Variants in ENO3 observed in about 807,000 individuals in gnomAD.
ENO3 encodes enolase 3.
In ENO3, 46 loss-of-function variants were observed where a neutral mutation model predicts 47.7. The observed-to-expected ratio is 0.96, with a 90% CI of 0.76 to 1.23. ENO3 has a LOEUF of 1.23. ENO3 is among the 50% of genes most tolerant of loss of function. The probability of loss-of-function intolerance (pLI) is 0.00; values close to 1 mark genes in which losing one functional copy is unlikely to be tolerated. For synonymous variants in ENO3, 223 were observed against 225.9 expected (o/e 0.99, Z 0.11); for missense variants, 575 against 566.2 (o/e 1.02, Z -0.16).
intron 6 of ENO3, 139 bp downstream of exon 6, chr17:4,953,984 G>C: frequency 7.6e-7 from 1 of 1,317,622 alleles, no homozygotes; most frequent in Non-Finnish European, 1.1e-6. Flanking sequence ...CTCTCCTGCT[G>C]TGGTCCCACC....
chr17:4,951,980 G>A, intron 2 of ENO3, 66 bp downstream of exon 2: 2 of 1,542,254 alleles, frequency 1.3e-6, no homozygotes, highest in Non-Finnish European at 1.8e-6. Context: ...TTGCCCCCCA[G>A]TTCTGTGCCA....
In ENO3 at chr17:4,955,527, C is replaced by T. The variant is rs748865733; in HGVS notation, c.788C>T (p.Ser263Leu). ...GGGAAGTACGATCTTGACTTCAAGTCGCCTGATGATCCCGCACGGCACATC... is the reference window on the plus strand; with the variant it reads ...GGGAAGTACGATCTTGACTTCAAGTTGCCTGATGATCCCGCACGGCACATC... ...RNGKYDLDFK[S>L]PDDPARHITG... is the part of the protein sequence containing the mutation. The change falls in exon 8 of 12, where the codon TCG becomes TTG. Residue 263 changes from serine to leucine, a missense_variant. Transcript: ENST00000519602. 6.8e-6 allele frequency: 11 copies of T among 1,614,088 alleles called. No individual in the cohort carries two copies. The highest frequency in any genetic ancestry group is 4.4e-5 in the South Asian group (4 of 91,088).
intron 2 of ENO3, among the ~76,000 whole-genome samples, chr17:4,952,547 TCTC>T (rs1971573508): frequency 6.6e-6 from 1 of 152,156 alleles, no homozygotes; most frequent in Non-Finnish European, 1.5e-5. Flanking sequence ...ATTGTCTCGA[TCTC>T]CTGATCTCGT....
chr17:4,954,973 G>C (rs1326324261), intron 6 of ENO3, 102 bp from the exon 7 acceptor site: 1 of 995,444 alleles, frequency 1.0e-6, no homozygotes, highest in Non-Finnish European at 1.5e-6. Flanking sequence ...CACTGAGCTA[G>C]TAAGTAGGGA....
In ENO3 at chr17:4,955,503, G is replaced by A; in HGVS notation, c.764G>A (p.Gly255Glu). 6.2e-7 allele frequency: 1 copy of A among 1,614,216 alleles called. No individual in the cohort carries two copies. Among genetic ancestry groups the A allele is most frequent in the Non-Finnish European group, 8.5e-7 (1 of 1,180,052 alleles). Reference sequence around the variant, plus strand: ...GCAGCATCTGAGTTCTATCGCAATGGGAAGTACGATCTTGACTTCAAGTCG... The same window carrying A: ...GCAGCATCTGAGTTCTATCGCAATGAGAAGTACGATCTTGACTTCAAGTCG... Reference protein sequence around the residue: ...DVAASEFYRNGKYDLDFKSPD... With the variant: ...DVAASEFYRNEKYDLDFKSPD... Residue 255 changes from glycine to glutamate, a missense_variant, in exon 8 of 12, where the codon GGG becomes GAG. Coordinates refer to ENST00000519602, the MANE Select transcript of ENO3 (RefSeq NM_053013.4).
At chr17:4,950,997 C>T (rs911241225), upstream of ENO3, 13 of 982,026 alleles carry the variant, frequency 1.3e-5, no homozygotes, top group Non-Finnish European at 1.6e-5. Flanking sequence ...CTGCTTCAGG[C>T]TGTAGTGGGC....
At chr17:4,952,663 T>C in intron 2 of ENO3, 132 bp from the exon 3 acceptor site, 2 of 925,948 alleles carry the variant, frequency 2.2e-6, no homozygotes, top group Non-Finnish European at 1.7e-6. Flanking sequence ...GGTTTCGCCA[T>C]GTTAGCCAGG....
chr17:4,952,008 C>A, intron 2 of ENO3, 94 bp downstream of exon 2: 1 of 1,385,560 alleles, frequency 7.2e-7, no homozygotes, highest in Non-Finnish European at 1.0e-6. Context: ...TCCTTTCTCT[C>A]GGGTTCCCTT....
In ENO3 at chr17:4,953,103, G is replaced by A. The variant is rs1324252693; in HGVS notation, c.234G>A (p.Leu78=). 6 of 1,614,090 alleles carry A rather than the reference G, an allele frequency of 3.7e-6. No individual in the cohort carries two copies. In the South Asian group the frequency reaches 6.6e-5, roughly 18 times the overall value. Residue 78 remains leucine, a synonymous_variant, in exon 4 of 12, where the codon CTG becomes CTA. Transcript: ENST00000519602. The part of the protein sequence containing the change: ...NINNTLGPAL[L]QKKLSVVDQE... ...ACAATACTCTGGGCCCTGCTCTGCT[G>A]CAAAAGGCAAGTGGGGAAGCCCGCT...
At chr17:4,956,761 C>G in intron 10 of ENO3, 70 bp from the exon 11 acceptor site, 2 of 1,613,846 alleles carry the variant, frequency 1.2e-6, no homozygotes, top group Non-Finnish European at 1.7e-6. Context: ...GGTTAATGCT[C>G]CCTTGGGGCC....
upstream of ENO3, chr17:4,950,442 AG>A (rs1457673463): frequency 2.1e-5 from 10 of 469,090 alleles, no homozygotes; most frequent in Non-Finnish European, 2.8e-5. Context: ...CGATGGGGAA[AG>A]GGGCTCTGAC....
chr17:4,951,258 A>G (rs919603678), intron 1 of ENO3, 76 bp downstream of exon 1: 2 of 1,006,976 alleles, frequency 2.0e-6, no homozygotes, highest in South Asian at 8.0e-5. Flanking sequence ...GAAGTGGGGG[A>G]CATTTCTGCT....
In ENO3 at chr17:4,956,078, G is replaced by A. The variant is rs1567673373; in HGVS notation, c.1002G>A (p.Lys334=). Residue 334 remains lysine (K), a synonymous_variant, in exon 9 of 12, where the codon AAG becomes AAA. Coordinates refer to ENST00000519602, the MANE Select transcript of ENO3 (RefSeq NM_053013.4). ...NPKRIAQAVE[K]KACNCLLLKV... is the part of the protein sequence containing the mutation. ...AGAGGATTGCCCAGGCCGTTGAGAA[G>A]AAGGCCTGCAACTGTCTGCTGCTGA... is the stretch of plus-strand genomic sequence containing the variant. 6.2e-7 allele frequency: 1 copy of A among 1,613,942 alleles called. No individual in the cohort carries two copies. Among genetic ancestry groups the A allele is most frequent in the Non-Finnish European group, 8.5e-7 (1 of 1,180,026 alleles).
chr17:4,953,563 G>T, intron 5 of ENO3, 149 bp from the exon 6 acceptor site: 2 of 1,487,980 alleles, frequency 1.3e-6, no homozygotes, highest in Non-Finnish European at 9.3e-7. Flanking sequence ...CCCCGGGGTG[G>T]GGGTTCCCAG....
intron 6 of ENO3, 106 bp from the exon 7 acceptor site, chr17:4,954,969 G>A: frequency 3.3e-6 from 3 of 922,318 alleles, no homozygotes; most frequent in Non-Finnish European, 5.0e-6. Flanking sequence ...AGACCACTGA[G>A]CTAGTAAGTA....
intron 2 of ENO3, chr17:4,952,440 T>C (rs1171151664): frequency 2.6e-5 from 9 of 345,850 alleles, no homozygotes; most frequent in Non-Finnish European, 4.5e-5. Context: ...GCCTCCCGGG[T>C]TCACGCCATT....
rs1233977786 is a variant in ENO3 at position 4,956,007 on chromosome 17, G to T, written c.931G>T (p.Val311Leu). The T allele has an allele frequency of 9.3e-6, 15 of 1,613,894 alleles. No homozygotes were observed. The highest frequency in any genetic ancestry group is 1.6e-4 in the Middle Eastern group (1 of 6,082). ...WATWTSFLSG[V>L]NIQIVGDDLT... is the part of the protein sequence containing the mutation. The stretch of plus-strand genomic sequence containing the variant: ...CACTTGGACCTCCTTCCTCTCGGGG[G>T]TGAACATCCAGATTGTGGGGGATGA... Residue 311 changes from valine (V) to leucine (L), a missense_variant, in exon 9 of 12, where the codon GTG becomes TTG. By Grantham distance (32) the Val-to-Leu change is conservative (BLOSUM62 1). Transcript: ENST00000519602.
chr17:4,950,989 G>A (rs1971524597), upstream of ENO3: 1 of 981,088 alleles, frequency 1.0e-6, no homozygotes, highest in South Asian at 4.7e-5. Flanking sequence ...AGAGGCTTCT[G>A]CTTCAGGCTG....
intron 8 of ENO3, 155 bp downstream of exon 8, chr17:4,955,759 C>T: frequency 7.6e-7 from 1 of 1,317,750 alleles, no homozygotes; most frequent in Non-Finnish European, 1.1e-6. Flanking sequence ...GTCACCCCTC[C>T]ATGAGGCTCC....
Sources: allele counts gnomAD v4.1 joint callset (sites outside exome capture counted in the v4.1 genomes callset), GRCh38; gene constraint gnomAD v4.1.1; transcripts MANE v1.5; gene names NCBI Gene and HGNC (gene_info 2026-07-23, HGNC 2026-07-21).